ZNF536: variants seen among roughly 807,000 people sequenced by gnomAD.
The protein encoded by ZNF536 is zinc finger protein 536.
A neutral mutation model predicts 84.5 loss-of-function variants in ZNF536; 13 were observed. The ratio of observed to expected loss-of-function variants is 0.15; its 90% CI spans 0.10 to 0.24. The LOEUF (loss-of-function observed/expected upper bound fraction) is 0.24, where lower values mean the gene tolerates loss of function less well. Ranked by LOEUF, ZNF536 falls within the 10% of genes least tolerant of loss-of-function variation. ZNF536 has a pLI of 1.00. For synonymous variants in ZNF536, 811 were observed against 742.5 expected (o/e 1.09, Z -1.50); for missense variants, 1,536 against 1,747.5 (o/e 0.88, Z 2.16).
chr19:30,407,757 G>C (rs954757115), intron 1 of ZNF536, among the ~76,000 whole-genome samples: 1 of 152,312 alleles, frequency 6.6e-6, no homozygotes, highest in East Asian at 1.9e-4. Flanking sequence ...TTTGTGAACA[G>C]CCACTGAATT....
intron 1 of ZNF536, among the ~76,000 whole-genome samples, chr19:30,275,566 C>T (rs2026081129): frequency 2.0e-5 from 3 of 152,128 alleles, no homozygotes; most frequent in Admixed American, 2.0e-4. Context: ...GAGTGGCTCA[C>T]AGCATGGGTC....
At chr19:30,421,626 G>A (rs1327228338) in intron 1 of ZNF536, among the ~76,000 whole-genome samples, 3 of 152,176 alleles carry the variant, frequency 2.0e-5, no homozygotes, top group African/African-American at 7.2e-5. Context: ...GCCTCCCAAA[G>A]TACTGGGATT....
chr19:30,502,917 A>G (rs1465472287), intron 2 of ZNF536, among the ~76,000 whole-genome samples: 1 of 152,196 alleles, frequency 6.6e-6, no homozygotes, highest in African/African-American at 2.4e-5. Flanking sequence ...ACACAAAATA[A>G]ACAGAAACAC....
At chr19:30,699,997 T>C (rs2051832318) in intron 1 of ZNF536, among the ~76,000 whole-genome samples, 1 of 152,120 alleles carries the variant, frequency 6.6e-6, no homozygotes, top group African/African-American at 2.4e-5. Flanking sequence ...TTTCTCTCTT[T>C]TTTCTCTTTC....
intron 1 of ZNF536, among the ~76,000 whole-genome samples, chr19:30,648,898 G>C (rs1185809595): frequency 1.3e-5 from 2 of 152,222 alleles, no homozygotes; most frequent in Non-Finnish European, 2.9e-5. Flanking sequence ...ATATCATCCG[G>C]AAGTGCTGAT....
At chr19:30,629,726 T>G (rs1335323765) in intron 1 of ZNF536, among the ~76,000 whole-genome samples, 3 of 152,228 alleles carry the variant, frequency 2.0e-5, no homozygotes, top group Non-Finnish European at 4.4e-5. Flanking sequence ...GTCTGGAATC[T>G]GCCACGAGTT....
chr19:30,457,720 G>A (rs536106359), intron 2 of ZNF536, among the ~76,000 whole-genome samples: 8 of 152,326 alleles, frequency 5.3e-5, no homozygotes, highest in Non-Finnish European at 8.8e-5. Context: ...GGCTCCTACT[G>A]GGACCCTGCA....
At chr19:30,246,065 G>A (rs899256015) in intron 1 of ZNF536, among the ~76,000 whole-genome samples, 18 of 152,108 alleles carry the variant, frequency 1.2e-4, no homozygotes, top group Admixed American at 9.2e-4. Context: ...ATGCTGCCCC[G>A]GCCCCCTGAT....
intron 1 of ZNF536, among the ~76,000 whole-genome samples, chr19:30,422,273 A>G (rs1389713916): frequency 6.6e-6 from 1 of 152,160 alleles, no homozygotes; most frequent in East Asian, 1.9e-4. Flanking sequence ...ATATTGACCT[A>G]AGAGGTTTAG....
chr19:30,339,047 C>T (rs2047480524), intron 2 of ZNF536, among the ~76,000 whole-genome samples: 1 of 152,170 alleles, frequency 6.6e-6, no homozygotes, highest in Admixed American at 6.5e-5. Flanking sequence ...AGTTCCGTAG[C>T]TAAGTAACCC....
intron 2 of ZNF536, among the ~76,000 whole-genome samples, chr19:30,306,815 T>G (rs2046355274): frequency 6.6e-6 from 1 of 152,216 alleles, no homozygotes; most frequent in Non-Finnish European, 1.5e-5. Context: ...ATGAATGTGC[T>G]TTTTACAATT....
intron 1 of ZNF536, among the ~76,000 whole-genome samples, chr19:30,641,481 T>C (rs1323446482): frequency 6.6e-6 from 1 of 152,210 alleles, no homozygotes; most frequent in Non-Finnish European, 1.5e-5. Context: ...TTAAAACGTA[T>C]ATGTATAAAC....
At chr19:30,542,617 G>A (rs1406194839) in intron 3 of ZNF536, among the ~76,000 whole-genome samples, 4 of 152,110 alleles carry the variant, frequency 2.6e-5, no homozygotes, top group East Asian at 3.8e-4. Context: ...AGGTTTCCCC[G>A]CAGAAGGCTA....
At chr19:30,373,287 TCTGAGAGTTCTCAGTTGGCACCTTTCCC>T (rs1416108339) in intron 1 of ZNF536, among the ~76,000 whole-genome samples, 3 of 152,170 alleles carry the variant, frequency 2.0e-5, no homozygotes, top group Non-Finnish European at 4.4e-5. Flanking sequence ...CTGGAGGTCT[TCTGAGAGTTCTCAGTTGGCACCTTTCCC>T]CTGACTTGTC....
At chr19:30,363,255 G>A (rs754164466) in intron 3 of ZNF536, among the ~76,000 whole-genome samples, 7 of 152,164 alleles carry the variant, frequency 4.6e-5, no homozygotes, top group Non-Finnish European at 1.0e-4. Flanking sequence ...GATCTTCTGT[G>A]CACCTAGCAT....
chr19:30,695,777 G>A (rs532570858), intron 1 of ZNF536, among the ~76,000 whole-genome samples: 2 of 152,280 alleles, frequency 1.3e-5, no homozygotes, highest in South Asian at 4.1e-4. Context: ...TTGGTCTGAG[G>A]TGGACTATTG....
intron 1 of ZNF536, among the ~76,000 whole-genome samples, chr19:30,676,490 CTTG>C (rs897914537): frequency 1.3e-5 from 2 of 152,282 alleles, no homozygotes; most frequent in Admixed American, 6.5e-5. Context: ...TTATAACTCC[CTTG>C]TTGTTGGGGA....
intron 2 of ZNF536, among the ~76,000 whole-genome samples, chr19:30,349,852 G>T (rs2047875023): frequency 6.6e-6 from 1 of 152,060 alleles, no homozygotes; most frequent in South Asian, 2.1e-4. Context: ...AAGTCACTAA[G>T]ACAGAAAGTG....
intron 1 of ZNF536, among the ~76,000 whole-genome samples, chr19:30,652,857 C>T (rs1385300754): frequency 6.6e-6 from 1 of 152,124 alleles, no homozygotes; most frequent in Admixed American, 6.5e-5. Flanking sequence ...AAGTCTCCTG[C>T]AGCGATGGAA....
Sources: gnomAD v4.1 joint callset for allele counts (sites outside exome capture counted in the v4.1 genomes callset) on GRCh38, gnomAD v4.1.1 for gene constraint, MANE v1.5 for transcripts, NCBI Gene and HGNC (gene_info 2026-07-23, HGNC 2026-07-21) for gene names.